Variants in SNX13 observed in about 807,000 individuals in gnomAD.
The protein encoded by SNX13 is sorting nexin 13.
In SNX13, 45 loss-of-function variants were observed where a neutral mutation model predicts 133.6. That is an observed-to-expected ratio of 0.34 (90% CI 0.27 to 0.43). SNX13 has a LOEUF of 0.43. SNX13 is among the 20% of genes least tolerant of loss of function. The probability of loss-of-function intolerance (pLI) is 1.00; values close to 1 mark genes in which losing one functional copy is unlikely to be tolerated. For synonymous variants in SNX13, 414 were observed against 373.9 expected (o/e 1.11, Z -1.24); for missense variants, 1,032 against 1,145.1 (o/e 0.90, Z 1.43).
Position 17,825,956 on chromosome 7 carries a change from GA to G in SNX13, c.1705+65del, listed in dbSNP as rs918347603. 37 of 1,187,736 alleles carry G rather than the reference GA, an allele frequency of 3.1e-5. No individual in the cohort carries two copies. The Admixed American group carries it at 8.0e-4, about 26-fold the overall frequency. 73.6% of individuals were successfully genotyped at this position (1,187,736 alleles called of 1,614,324 possible). A position where few individuals can be genotyped will look rare whatever the true frequency, so the allele number is the denominator to read the frequency against. Reference sequence around the variant, plus strand: ...AAATGGTTAGTAAAAATTAAGTGTGGAAAATTATTTAGGGATATAATAATAC... The same window carrying G: ...AAATGGTTAGTAAAAATTAAGTGTGGAAATTATTTAGGGATATAATAATAC... On this transcript the variant is annotated intron_variant, in intron 17 of 25. Transcript: ENST00000428135.
intron 3 of SNX13, among the ~76,000 whole-genome samples, chr7:17,891,936 G>C (rs1191278460): frequency 6.6e-6 from 1 of 152,066 alleles, no homozygotes; most frequent in African/African-American, 2.4e-5. Flanking sequence ...TATAAAATTA[G>C]TGTTTCATGT....
chr7:17,805,654 A>C lies in SNX13; in HGVS notation c.2065-2074T>G, dbSNP rs1785208080. Among the ~76,000 whole-genome samples, 8 of 152,328 alleles carry C rather than the reference A, an allele frequency of 5.3e-5. 1 individual carries two copies. In the South Asian group the frequency reaches 1.7e-3, roughly 32 times the overall value. On this transcript the variant is annotated intron_variant, in intron 20 of 25. Coordinates refer to ENST00000428135, the MANE Select transcript of SNX13 (RefSeq NM_015132.5). ...TCTTACACTTCACAGCAGAAACTTG[A>C]GTTTACCTATTATGAACTGGTTAAA...
At chr7:17,841,891 G>T (rs1029024969) in intron 12 of SNX13, among the ~76,000 whole-genome samples, 13 of 151,992 alleles carry the variant, frequency 8.6e-5, no homozygotes, top group Non-Finnish European at 1.6e-4. Flanking sequence ...GAAATTTAAG[G>T]TAGATTTGAG....
chr7:17,850,425 A>G lies in SNX13; in HGVS notation c.987T>C (p.Thr329=), dbSNP rs766845355. ...SLDTAGDDIN[T]IKNQINSLLF... ...GTAAGCTATTTATTTGATTTTTGATAGTGTTGATATCTAAAAGCAAAGAAA... is the reference window on the plus strand; with the variant it reads ...GTAAGCTATTTATTTGATTTTTGATGGTGTTGATATCTAAAAGCAAAGAAA... The change falls in exon 11 of 26, where the codon ACT becomes ACC. Residue 329 remains threonine, a synonymous_variant. Coordinates refer to ENST00000428135, the MANE Select transcript of SNX13 (RefSeq NM_015132.5). 1 of 1,567,028 alleles carries G rather than the reference A, an allele frequency of 6.4e-7. No homozygotes were observed. The highest frequency in any genetic ancestry group is 1.9e-5 in the Admixed American group (1 of 53,418).
intron 12 of SNX13, among the ~76,000 whole-genome samples, chr7:17,841,583 C>CACACACACACACAA (rs1491551329): frequency 2.7e-5 from 4 of 150,352 alleles, no homozygotes; most frequent in African/African-American, 9.8e-5. Context: ...CACACACACA[C>CACACACACACACAA]GCACACACAC....
intron 1 of SNX13, 60 bp from the exon 2 acceptor site, chr7:17,897,506 GA>G: frequency 1.0e-6 from 1 of 984,024 alleles, no homozygotes; most frequent in Non-Finnish European, 1.5e-6. Context: ...AATTAGAAAA[GA>G]ACCAACAAAA....
intron 1 of SNX13, among the ~76,000 whole-genome samples, chr7:17,902,053 A>T (rs937947148): frequency 6.6e-6 from 1 of 152,218 alleles, no homozygotes; most frequent in African/African-American, 2.4e-5. Context: ...TTTGTCAACA[A>T]GGGGAAATAC....
intron 2 of SNX13, among the ~76,000 whole-genome samples, chr7:17,896,190 A>C (rs1031206431): frequency 1.3e-5 from 2 of 152,206 alleles, no homozygotes; most frequent in Non-Finnish European, 2.9e-5. Flanking sequence ...CTTTATCATC[A>C]ATAAAGATAT....
intron 17 of SNX13, among the ~76,000 whole-genome samples, chr7:17,823,972 G>T (rs946183941): frequency 1.3e-5 from 2 of 151,870 alleles, no homozygotes; most frequent in African/African-American, 4.8e-5. Context: ...GATCACCCAG[G>T]GTGGATGCAC....
At chr7:17,828,775 A>G (rs1457933562) in intron 16 of SNX13, among the ~76,000 whole-genome samples, 3 of 151,560 alleles carry the variant, frequency 2.0e-5, no homozygotes, top group Non-Finnish European at 4.4e-5. Flanking sequence ...TCTTATTTGG[A>G]AAAGCATTTA....
chr7:17,913,490 T>C (rs1214539008), intron 1 of SNX13, among the ~76,000 whole-genome samples: 1 of 152,206 alleles, frequency 6.6e-6, no homozygotes, highest in East Asian at 1.9e-4. Context: ...AGAGCCCACC[T>C]GCCAATTCTT....
At chr7:17,904,779 G>A (rs559576931) in intron 1 of SNX13, among the ~76,000 whole-genome samples, 37 of 152,292 alleles carry the variant, frequency 2.4e-4, no homozygotes, top group Non-Finnish European at 3.5e-4. Flanking sequence ...GCCATAAGAA[G>A]AGTGGTCTTA....
At position 17,869,007 on chromosome 7, in the gene SNX13, A is replaced by G. The variant is rs532075600; in HGVS notation, c.754-517T>C. ...GTGTTTGAATAGTTTCCTAATAAAC[A>G]TTTTTAAAATAATAGATATGTTAAT... is the stretch of plus-strand genomic sequence containing the variant. On this transcript the variant is annotated intron_variant, in intron 8 of 25. Coordinates refer to ENST00000428135, the MANE Select transcript of SNX13 (RefSeq NM_015132.5). Among the ~76,000 whole-genome samples the G allele has an allele frequency of 3.7e-3, 561 of 152,246 alleles. 5 individuals carry two copies. Among genetic ancestry groups the G allele is most frequent in the African/African-American group, 0.013 (536 of 41,574 alleles).
chr7:17,862,796 C>T (rs1237490765), intron 9 of SNX13, among the ~76,000 whole-genome samples: 1 of 152,098 alleles, frequency 6.6e-6, no homozygotes, highest in Non-Finnish European at 1.5e-5. Context: ...AGCAAGGTGG[C>T]CAAGTAGAGC....
chr7:17,821,984 T>A (rs1407920958), intron 17 of SNX13, among the ~76,000 whole-genome samples: 1 of 152,198 alleles, frequency 6.6e-6, no homozygotes, highest in South Asian at 2.1e-4. Context: ...CATTGCTACA[T>A]CTAATGTTAC....
At chr7:17,872,307 A>G (rs1239393798) in intron 8 of SNX13, among the ~76,000 whole-genome samples, 1 of 152,178 alleles carries the variant, frequency 6.6e-6, no homozygotes, top group African/African-American at 2.4e-5. Flanking sequence ...AAGAAAGGAG[A>G]AAATAGAGTT....
intron 2 of SNX13, among the ~76,000 whole-genome samples, chr7:17,895,928 T>A (rs959409817): frequency 6.6e-5 from 10 of 152,112 alleles, no homozygotes; most frequent in Admixed American, 2.0e-4. Flanking sequence ...TACTCTGAAA[T>A]CCTTTTCCTT....
chr7:17,930,101 TAAGAATA>T (rs1188847307), intron 1 of SNX13, among the ~76,000 whole-genome samples: 26 of 34,186 alleles, frequency 7.6e-4, no homozygotes, highest in East Asian at 6.9e-3. Context: ...AGAATAAGAA[TAAGAATA>T]AAGAATAAAG....
intron 1 of SNX13, among the ~76,000 whole-genome samples, chr7:17,901,839 T>C (rs1210882214): frequency 2.0e-5 from 3 of 152,246 alleles, no homozygotes; most frequent in Admixed American, 1.3e-4. Flanking sequence ...CAATTTGTTG[T>C]TCCTGTGGAG....
Sources: allele counts gnomAD v4.1 joint callset (sites outside exome capture counted in the v4.1 genomes callset), GRCh38; gene constraint gnomAD v4.1.1; transcripts MANE v1.5; gene names NCBI Gene and HGNC (gene_info 2026-07-23, HGNC 2026-07-21).